Variants in KNTC1 observed in about 807,000 individuals in gnomAD.
KNTC1 encodes the protein kinetochore-associated protein 1.
KNTC1 carries 253 observed loss-of-function variants against 314.4 expected under a neutral mutation model. That is an observed-to-expected ratio of 0.80 (90% confidence interval 0.73 to 0.89). The LOEUF is 0.89. Ranked by LOEUF, KNTC1 falls within the 40% of genes least tolerant of loss-of-function variation. KNTC1 has a pLI of 0.00. For synonymous variants in KNTC1, 901 were observed against 901.4 expected (o/e 1.00, Z 0.01); for missense variants, 2,475 against 2,572.9 (o/e 0.96, Z 0.82).
chr12:122,611,304 CA>C (rs2138151824), intron 53 of KNTC1: 2 of 161,962 alleles, frequency 1.2e-5, no homozygotes, highest in Admixed American at 1.3e-4. Context: ...ATTGAACTTG[CA>C]ATTTCCCCTA....
rs1282924366 is a variant in KNTC1 at position 122,575,907 on chromosome 12, C to T, written c.2586+8C>T. The T allele has an allele frequency of 2.5e-6, 4 of 1,597,466 alleles. No individual in the cohort carries two copies. The East Asian group carries it at 6.7e-5, about 27-fold the overall frequency. On this transcript the variant is annotated splice_region_variant and intron_variant, in intron 29 of 63. Transcript: ENST00000333479. ...TTAAACAAGGAAATAATGGTAAGTACACTCTTCGAAGAGTCTTTTTTCTCT... is the reference window on the plus strand; with the variant it reads ...TTAAACAAGGAAATAATGGTAAGTATACTCTTCGAAGAGTCTTTTTTCTCT...
chr12:122,533,876 A>C (rs1035568102), intron 2 of KNTC1, among the ~76,000 whole-genome samples: 1 of 152,144 alleles, frequency 6.6e-6, no homozygotes, highest in Non-Finnish European at 1.5e-5. Flanking sequence ...GGGCTCTCTC[A>C]TAAGCCCTTT....
chr12:122,622,452 C>T lies in KNTC1; in HGVS notation c.6370-10C>T. 6.4e-7 allele frequency: 1 copy of T among 1,554,492 alleles called. No homozygotes were observed. Among genetic ancestry groups the T allele is most frequent in the South Asian group, 1.2e-5 (1 of 84,798 alleles). ...GAAGTCTGATCTTAATGATACCTGT[C>T]ATTCTATAGATTAGAAGTCTGATTT... On this transcript the variant is annotated splice_polypyrimidine_tract_variant and intron_variant, in intron 61 of 63. Transcript: ENST00000333479.
intron 27 of KNTC1, 114 bp downstream of exon 27, chr12:122,574,494 T>A: frequency 3.1e-6 from 2 of 642,624 alleles, no homozygotes; most frequent in South Asian, 2.0e-5. Context: ...TGGGTCTGGC[T>A]GTGTCGCCCA....
intron 63 of KNTC1, 30 bp from the exon 64 acceptor site, chr12:122,626,175 A>G (rs1875030347): frequency 6.6e-7 from 1 of 1,515,754 alleles, no homozygotes; most frequent in Non-Finnish European, 9.1e-7. Context: ...GTGACTTATA[A>G]AAATCACTTC....
chr12:122,617,327 T>A (rs554360872), intron 57 of KNTC1: 32 of 396,644 alleles, frequency 8.1e-5, no homozygotes, highest in African/African-American at 5.6e-4. Flanking sequence ...TGTGGTAAAA[T>A]ATACCTGAAG....
chr12:122,596,679 A>G (rs532865623), intron 43 of KNTC1, among the ~76,000 whole-genome samples: 1 of 152,138 alleles, frequency 6.6e-6, no homozygotes, highest in African/African-American at 2.4e-5. Flanking sequence ...CCATCTCTAC[A>G]AAGGTAAAAA....
chr12:122,622,646 T>C (rs756632376), intron 62 of KNTC1, 39 bp downstream of exon 62: 1 of 1,455,284 alleles, frequency 6.9e-7, no homozygotes, highest in South Asian at 1.3e-5. Context: ...CTGTGGAATT[T>C]CCTTAAAATC....
intron 16 of KNTC1, among the ~76,000 whole-genome samples, chr12:122,553,985 T>G (rs1287173536): frequency 6.6e-6 from 1 of 150,442 alleles, no homozygotes; most frequent in Non-Finnish European, 1.5e-5. Flanking sequence ...GTTAAAGAAT[T>G]AATATTTACT....
In KNTC1 at chr12:122,568,336, C is replaced by A; in HGVS notation, c.1680C>A (p.Asn560Lys). 6.2e-7 allele frequency: 1 copy of A among 1,600,946 alleles called. No homozygotes were observed. Among genetic ancestry groups the A allele is most frequent in the South Asian group, 1.1e-5 (1 of 89,824 alleles). Residue 560 changes from asparagine to lysine, a missense_variant, in exon 21 of 64, where the codon AAC becomes AAA. Transcript: ENST00000333479. ...TTTTTTTACAGCTAAAAGAAGGAAA[C>A]CTTGTTTGTGCACAGTATCTTTGGC... ...KDIFLQLKEG[N>K]LVCAQYLWLR...
At position 122,615,527 on chromosome 12, in the gene KNTC1, G is replaced by A; in HGVS notation, c.6030+1G>A. 1 of 1,521,214 alleles carries A rather than the reference G, an allele frequency of 6.6e-7. No homozygotes were observed. The highest frequency in any genetic ancestry group is 1.2e-5 in the South Asian group (1 of 80,582). The allele number at this position is 1,521,214 out of a possible 1,614,324, so 94.2% of individuals were successfully genotyped here. On this transcript the variant is annotated splice_donor_variant, in intron 57 of 63. Coordinates refer to ENST00000333479, the MANE Select transcript of KNTC1 (RefSeq NM_014708.6). LOFTEE classifies it high-confidence loss of function. Reference sequence around the variant, plus strand: ...CTCCAGTATCCATTCTTTATGGCAGGTATGTAGTTTTTTAAAATAAATTTT... The same window carrying A: ...CTCCAGTATCCATTCTTTATGGCAGATATGTAGTTTTTTAAAATAAATTTT...
At chr12:122,569,426 T>C (rs1964548857) in intron 21 of KNTC1, among the ~76,000 whole-genome samples, 1 of 152,208 alleles carries the variant, frequency 6.6e-6, no homozygotes, top group African/African-American at 2.4e-5. Context: ...CACCCCCAGT[T>C]AAGTTTTCCT....
chr12:122,587,795 T>C lies in KNTC1; in HGVS notation c.3815T>C (p.Leu1272Pro), dbSNP rs1869582776. 2 of 1,613,810 alleles carry C rather than the reference T, an allele frequency of 1.2e-6. No homozygotes were observed. The highest frequency in any genetic ancestry group is 4.5e-5 in the East Asian group (2 of 44,870). ...GAATCTAGCCAGTGGGAGCTAGCCCTAAGATTTGTGGTTGGTTCATTTGGT... is the reference window on the plus strand; with the variant it reads ...GAATCTAGCCAGTGGGAGCTAGCCCCAAGATTTGTGGTTGGTTCATTTGGT... ...LQESSQWELA[L>P]RFVVGSFGTC... Residue 1272 changes from leucine (L) to proline (P), a missense_variant, in exon 39 of 64, where the codon CTA (leucine) becomes CCA (proline). By Grantham distance (98) the Leu-to-Pro change is moderately conservative (BLOSUM62 -3). Coordinates refer to ENST00000333479, the MANE Select transcript of KNTC1 (RefSeq NM_014708.6).
chr12:122,569,493 G>A (rs183996281), intron 21 of KNTC1, among the ~76,000 whole-genome samples, 188 bp from the exon 22 acceptor site: 77 of 152,244 alleles, frequency 5.1e-4, no homozygotes, highest in Middle Eastern at 3.4e-3. Context: ...GGCACTCAGC[G>A]CCGTGACATT....
intron 3 of KNTC1, among the ~76,000 whole-genome samples, 189 bp from the exon 4 acceptor site, chr12:122,538,150 A>G (rs1258036554): frequency 1.3e-5 from 2 of 152,210 alleles, no homozygotes; most frequent in African/African-American, 4.8e-5. Flanking sequence ...AAACAAAACA[A>G]AACAAAAAAT....
chr12:122,591,967 C>A (rs1469748463), intron 42 of KNTC1, among the ~76,000 whole-genome samples: 1 of 152,172 alleles, frequency 6.6e-6, no homozygotes, highest in Non-Finnish European at 1.5e-5. Flanking sequence ...GTGGGAGCCC[C>A]TTTTTGGGCT....
chr12:122,532,304 G>A (rs1485796953), intron 2 of KNTC1, among the ~76,000 whole-genome samples: 8 of 149,582 alleles, frequency 5.3e-5, no homozygotes, highest in Non-Finnish European at 1.0e-4. Context: ...CGCCTCCTGG[G>A]TTCAAGCGAT....
intron 35 of KNTC1, among the ~76,000 whole-genome samples, 152 bp from the exon 36 acceptor site, chr12:122,584,741 T>G (rs1413646004): frequency 6.6e-6 from 1 of 152,216 alleles, no homozygotes; most frequent in Non-Finnish European, 1.5e-5. Context: ...GAGAAAAAAT[T>G]TAACTTTTTA....
chr12:122,597,620 G>T, intron 43 of KNTC1, 111 bp from the exon 44 acceptor site: 1 of 853,650 alleles, frequency 1.2e-6, no homozygotes. Context: ...ACTGGACAAT[G>T]ACAAGGTTAA....
Sources: allele counts gnomAD v4.1 joint callset (sites outside exome capture counted in the v4.1 genomes callset), GRCh38; gene constraint gnomAD v4.1.1; transcripts MANE v1.5; gene names NCBI Gene and HGNC (gene_info 2026-07-23, HGNC 2026-07-21).